The following ARSB variants were observed in gnomAD, a reference collection of about 807,000 sequenced individuals.
The protein encoded by ARSB is arylsulfatase B.
ARSB carries 41 observed loss-of-function variants against 50.9 expected under a neutral mutation model. The ratio of observed to expected loss-of-function variants is 0.81; its 90% CI spans 0.63 to 1.04. The LOEUF (loss-of-function observed/expected upper bound fraction) is 1.04, where lower values mean the gene tolerates loss of function less well. Among genes scored for constraint, ARSB ranks in the 50% least tolerant of loss-of-function variants. ARSB has a pLI of 0.00. For synonymous variants in ARSB, 269 were observed against 284.8 expected, an observed-to-expected ratio of 0.94 and a Z score of 0.56; for missense variants, 672 against 693.3, an observed-to-expected ratio of 0.97 and a Z score of 0.35.
At chr5:78,792,728 C>A (rs1490696697) in intron 6 of ARSB, among the ~76,000 whole-genome samples, 1 of 151,958 alleles carries the variant, frequency 6.6e-6, no homozygotes, top group African/African-American at 2.4e-5. Context: ...CCACGGTGGT[C>A]GCCATAAGCC....
chr5:78,886,963 A>C (rs1216136231), intron 4 of ARSB, among the ~76,000 whole-genome samples: 1 of 152,188 alleles, frequency 6.6e-6, no homozygotes, highest in Non-Finnish European at 1.5e-5. Flanking sequence ...ATTTTGCATT[A>C]TCTCTCACAG....
At chr5:78,909,254 T>C (rs931926805) in intron 4 of ARSB, among the ~76,000 whole-genome samples, 8 of 152,210 alleles carry the variant, frequency 5.3e-5, no homozygotes, top group Non-Finnish European at 1.2e-4. Flanking sequence ...CAGAGAGTAC[T>C]TGACTTAGTA....
chr5:78,855,423 G>A (rs1005026195), intron 5 of ARSB, among the ~76,000 whole-genome samples: 1 of 152,210 alleles, frequency 6.6e-6, no homozygotes, highest in African/African-American at 2.4e-5. Flanking sequence ...GTGGGAGGTG[G>A]AGCAGCTCCA....
chr5:78,886,334 T>C (rs1193193860), intron 4 of ARSB, among the ~76,000 whole-genome samples: 1 of 152,232 alleles, frequency 6.6e-6, no homozygotes, highest in African/African-American at 2.4e-5. Context: ...ATTAACACTC[T>C]ACACTCTGGC....
At chr5:78,793,898 T>G (rs930642483) in intron 6 of ARSB, among the ~76,000 whole-genome samples, 4 of 152,238 alleles carry the variant, frequency 2.6e-5, no homozygotes, top group Middle Eastern at 6.8e-3. Flanking sequence ...TTATTATTTT[T>G]TTTTTGAGGC....
chr5:78,841,150 C>A (rs1384285509), intron 5 of ARSB, among the ~76,000 whole-genome samples: 5 of 107,620 alleles, frequency 4.6e-5, no homozygotes, highest in African/African-American at 1.8e-4. Flanking sequence ...ACTACTACTA[C>A]TACTACTACT....
At chr5:78,929,540 T>C (rs554490091) in intron 4 of ARSB, among the ~76,000 whole-genome samples, 3 of 152,092 alleles carry the variant, frequency 2.0e-5, no homozygotes, top group African/African-American at 7.2e-5. Context: ...CCTGTAATCC[T>C]AGCACTTTGG....
intron 1 of ARSB, among the ~76,000 whole-genome samples, chr5:78,973,430 TG>T (rs1297901728): frequency 6.6e-6 from 1 of 152,244 alleles, no homozygotes; most frequent in Non-Finnish European, 1.5e-5. Context: ...GTGGAGGACC[TG>T]GCTTGTTCTA....
intron 1 of ARSB, among the ~76,000 whole-genome samples, chr5:78,982,854 T>C (rs966332108): frequency 6.6e-6 from 1 of 152,218 alleles, no homozygotes; most frequent in Non-Finnish European, 1.5e-5. Context: ...AAAAAAATGT[T>C]TGGGGAAGCA....
At chr5:78,970,625 T>TG (rs1487119782) in intron 1 of ARSB, among the ~76,000 whole-genome samples, 1 of 152,090 alleles carries the variant, frequency 6.6e-6, no homozygotes, top group Admixed American at 6.6e-5. Flanking sequence ...AGGGAGACAG[T>TG]GACAGAGGTG....
chr5:78,831,759 A>G (rs975579944), intron 6 of ARSB, among the ~76,000 whole-genome samples: 14 of 152,174 alleles, frequency 9.2e-5, no homozygotes, highest in African/African-American at 3.1e-4. Context: ...CTGGCATTCT[A>G]TGCAATGCTG....
intron 4 of ARSB, among the ~76,000 whole-genome samples, chr5:78,895,642 A>G (rs1003955846): frequency 2.6e-5 from 4 of 152,252 alleles, no homozygotes; most frequent in African/African-American, 9.6e-5. Flanking sequence ...ATTACAGGCT[A>G]AGCAGTATGC....
chr5:78,942,276 A>T (rs923786010), intron 4 of ARSB, among the ~76,000 whole-genome samples: 4 of 151,928 alleles, frequency 2.6e-5, no homozygotes, highest in African/African-American at 4.8e-5. Flanking sequence ...TTGTGTCTCT[A>T]TCTCCTTCAG....
chr5:78,837,915 T>C (rs954387043), intron 6 of ARSB, among the ~76,000 whole-genome samples: 3 of 152,106 alleles, frequency 2.0e-5, no homozygotes, highest in African/African-American at 4.8e-5. Flanking sequence ...CCAAAAGAAA[T>C]AGAAATTTCT....
intron 6 of ARSB, among the ~76,000 whole-genome samples, chr5:78,797,218 T>G (rs1743218609): frequency 6.6e-6 from 1 of 152,150 alleles, no homozygotes; most frequent in Non-Finnish European, 1.5e-5. Context: ...TGCCTTGGTC[T>G]CCGAAAGTGC....
intron 4 of ARSB, among the ~76,000 whole-genome samples, chr5:78,899,291 G>A (rs1748702173): frequency 1.3e-5 from 2 of 152,122 alleles, no homozygotes; most frequent in African/African-American, 4.8e-5. Flanking sequence ...CCTTGGAGTA[G>A]TCTTATTTGG....
At chr5:78,798,386 T>TA (rs34346174) in intron 6 of ARSB, among the ~76,000 whole-genome samples, 3,747 of 120,632 alleles carry the variant, frequency 0.031, 126 homozygotes, top group African/African-American at 0.081. Flanking sequence ...GCATTGTGTG[T>TA]AAAAAAAAAA....
At chr5:78,801,875 C>T (rs1743406823) in intron 6 of ARSB, among the ~76,000 whole-genome samples, 1 of 152,020 alleles carries the variant, frequency 6.6e-6, no homozygotes. Flanking sequence ...TATCTAACTG[C>T]TCAGGAATAT....
chr5:78,937,690 A>G (rs1440848079), intron 4 of ARSB, among the ~76,000 whole-genome samples: 1 of 151,434 alleles, frequency 6.6e-6, no homozygotes, highest in Non-Finnish European at 1.5e-5. Context: ...TATGAATTCA[A>G]TGGTTTGACA....
Sources: gnomAD v4.1 joint callset for allele counts (sites outside exome capture counted in the v4.1 genomes callset) on GRCh38, gnomAD v4.1.1 for gene constraint, MANE v1.5 for transcripts, NCBI Gene and HGNC (gene_info 2026-07-23, HGNC 2026-07-21) for gene names.